Variants in THSD7A observed in about 807,000 individuals in gnomAD.
The protein encoded by THSD7A is thrombospondin type-1 domain-containing protein 7A.
THSD7A carries 96 observed loss-of-function variants against 231.3 expected under a neutral mutation model. The observed-to-expected ratio is 0.41, with a 90% CI of 0.35 to 0.49. The LOEUF (loss-of-function observed/expected upper bound fraction) is 0.49. Among genes scored for constraint, THSD7A ranks in the 20% least tolerant of loss-of-function variants. The pLI, the probability that THSD7A is intolerant of heterozygous loss-of-function variation, is 0.05. For synonymous variants in THSD7A, 940 were observed against 743.3 expected, an observed-to-expected ratio of 1.26 and a Z score of -4.30; for missense variants, 2,290 against 2,070.2, an observed-to-expected ratio of 1.11 and a Z score of -2.06.
intron 1 of THSD7A, among the ~76,000 whole-genome samples, chr7:11,807,602 C>T (rs1213835290): frequency 1.3e-5 from 2 of 151,946 alleles, no homozygotes; most frequent in African/African-American, 4.8e-5. Flanking sequence ...TTTTAGTCTA[C>T]CCAAGTCCCA....
intron 6 of THSD7A, among the ~76,000 whole-genome samples, chr7:11,524,976 T>C (rs1375922474): frequency 2.6e-5 from 4 of 152,256 alleles, no homozygotes; most frequent in Admixed American, 2.6e-4. Flanking sequence ...TTCTTAATTT[T>C]AGCAGGAGAT....
At chr7:11,826,261 A>G (rs1239101447) in intron 1 of THSD7A, among the ~76,000 whole-genome samples, 1 of 152,162 alleles carries the variant, frequency 6.6e-6, no homozygotes, top group Admixed American at 6.5e-5. Flanking sequence ...ATACTCTATC[A>G]CCTCAATTCT....
At chr7:11,714,042 T>G (rs898433093) in intron 1 of THSD7A, among the ~76,000 whole-genome samples, 1 of 151,350 alleles carries the variant, frequency 6.6e-6, no homozygotes, top group South Asian at 2.1e-4. Flanking sequence ...GTTAAATATG[T>G]GTCTGTACAT....
At chr7:11,523,268 AT>A (rs1346705752) in intron 6 of THSD7A, among the ~76,000 whole-genome samples, 1 of 152,104 alleles carries the variant, frequency 6.6e-6, no homozygotes, top group Non-Finnish European at 1.5e-5. Context: ...CTTTATAGTA[AT>A]ATGAAGACTT....
intron 1 of THSD7A, among the ~76,000 whole-genome samples, chr7:11,753,737 A>C (rs951694904): frequency 3.9e-5 from 6 of 151,976 alleles, no homozygotes; most frequent in African/African-American, 1.4e-4. Flanking sequence ...GAAAAGATTA[A>C]TGCACTTGCT....
chr7:11,624,075 G>C (rs189827666), intron 2 of THSD7A, among the ~76,000 whole-genome samples: 5 of 152,214 alleles, frequency 3.3e-5, no homozygotes, highest in Non-Finnish European at 7.4e-5. Flanking sequence ...TTGGAGGCTG[G>C]TTATAGGCAG....
At position 11,406,032 on chromosome 7, in the gene THSD7A, G is replaced by T. The variant is rs1783570140; in HGVS notation, c.4237+268C>A. On this transcript the variant is annotated intron_variant, in intron 22 of 27. Coordinates refer to ENST00000423059, the MANE Select transcript of THSD7A (RefSeq NM_015204.3). The surrounding 1 kb of genome is among the most constrained non-coding windows in gnomAD (Gnocchi z 4.7). ...TTCATAACTTTTCTGTGGAGCATGG[G>T]CTTAAGGCCTTAAATACCATCTCCT... is the stretch of plus-strand genomic sequence containing the variant. 6.6e-6 allele frequency among the ~76,000 whole-genome samples: 1 copy of T among 152,044 alleles called. No individual in the cohort carries two copies. The highest frequency in any genetic ancestry group is 6.6e-5 in the Admixed American group (1 of 15,260).
intron 1 of THSD7A, among the ~76,000 whole-genome samples, chr7:11,675,713 A>G (rs1274489971): frequency 6.6e-6 from 1 of 152,214 alleles, no homozygotes; most frequent in African/African-American, 2.4e-5. Flanking sequence ...CTGCCTCTCT[A>G]GAATCCTTCT....
chr7:11,635,806 C>T (rs952030530), intron 2 of THSD7A, among the ~76,000 whole-genome samples: 6 of 151,942 alleles, frequency 3.9e-5, no homozygotes, highest in African/African-American at 1.2e-4. Context: ...ATATTTCAGC[C>T]CCTAAGCAAT....
chr7:11,635,544 C>T (rs1781803710), intron 2 of THSD7A, among the ~76,000 whole-genome samples: 2 of 152,094 alleles, frequency 1.3e-5, no homozygotes, highest in African/African-American at 4.8e-5. Context: ...TACATGTTTC[C>T]TGAATGAGGC....
intron 6 of THSD7A, among the ~76,000 whole-genome samples, chr7:11,513,053 C>T (rs905654768): frequency 7.3e-5 from 11 of 150,338 alleles, no homozygotes; most frequent in Non-Finnish European, 1.2e-4. Context: ...TGAAGTAACT[C>T]AGGCATGGAA....
chr7:11,694,658 A>C lies in THSD7A; in HGVS notation c.191-57697T>G, dbSNP rs192719984. Among the ~76,000 whole-genome samples the C allele has an allele frequency of 4.5e-3, 687 of 151,646 alleles. 5 individuals are homozygous for C. Among genetic ancestry groups the C allele is most frequent in the Middle Eastern group, 0.014 (4 of 294 alleles). On this transcript the variant is annotated intron_variant, in intron 1 of 27. Coordinates refer to ENST00000423059, the MANE Select transcript of THSD7A (RefSeq NM_015204.3). ...AGGTTTGTTAAATACAATTCATAGC[A>C]ATCAGAAAAGACAGCTGGGTTTCTG...
At position 11,543,125 on chromosome 7, in the gene THSD7A, A is replaced by C. The variant is rs1250611351; in HGVS notation, c.1454-8T>G. The C allele has an allele frequency of 6.2e-7, 1 of 1,607,876 alleles. No individual in the cohort carries two copies. Among genetic ancestry groups the C allele is most frequent in the Non-Finnish European group, 8.5e-7 (1 of 1,176,956 alleles). ...AGTCCATTGGCTTTGAGGCTAGAGAAAAATACAGACACATATTAAAAAATG... is the reference window on the plus strand; with the variant it reads ...AGTCCATTGGCTTTGAGGCTAGAGACAAATACAGACACATATTAAAAAATG... On this transcript the variant is annotated splice_region_variant and splice_polypyrimidine_tract_variant and intron_variant, in intron 4 of 27. Coordinates refer to ENST00000423059, the MANE Select transcript of THSD7A (RefSeq NM_015204.3).
At chr7:11,708,635 T>A (rs1419397683) in intron 1 of THSD7A, among the ~76,000 whole-genome samples, 1 of 150,756 alleles carries the variant, frequency 6.6e-6, no homozygotes, top group Non-Finnish European at 1.5e-5. Context: ...TAGCTCTGAA[T>A]TGCTATGACA....
rs1366728701 is a variant in THSD7A at position 11,541,423 on chromosome 7, A to G, written c.1818T>C (p.Ser606=). 3.1e-6 allele frequency: 5 copies of G among 1,613,896 alleles called. No homozygotes were observed. The highest frequency in any genetic ancestry group is 4.2e-6 in the Non-Finnish European group (5 of 1,179,824). ...TQVQEVVCIN[S]DGEEVDRQLC... ...TAATAGATACGTCTGTCTTACCATC[A>G]CTGTTGATGCACACAACCTCTTGAA... Residue 606 remains serine, a synonymous_variant, in exon 6 of 28, where the codon AGT becomes AGC. Coordinates refer to ENST00000423059, the MANE Select transcript of THSD7A (RefSeq NM_015204.3).
chr7:11,774,298 C>A (rs896160751), intron 1 of THSD7A, among the ~76,000 whole-genome samples: 3 of 152,102 alleles, frequency 2.0e-5, no homozygotes, highest in African/African-American at 7.2e-5. Context: ...AAACTAATAG[C>A]AGCAGGCAAT....
intron 7 of THSD7A, among the ~76,000 whole-genome samples, chr7:11,478,559 G>A (rs1786289221): frequency 6.6e-6 from 1 of 151,792 alleles, no homozygotes; most frequent in Non-Finnish European, 1.5e-5. Flanking sequence ...CAGGAAAGGA[G>A]AAAAAGAGCC....
chr7:11,389,143 A>C (rs569943824), intron 23 of THSD7A, among the ~76,000 whole-genome samples: 1 of 152,120 alleles, frequency 6.6e-6, no homozygotes, highest in South Asian at 2.1e-4. Context: ...GCTGAGTTCA[A>C]GTCAAGTCCT....
In THSD7A at chr7:11,406,357, T is replaced by C; in HGVS notation, c.4180A>G (p.Ile1394Val). Residue 1394 changes from isoleucine (I) to valine (V), a missense_variant, in exon 22 of 28, where the codon ATT (isoleucine) becomes GTT (valine). Physicochemically the swap from Ile to Val is conservative, Grantham distance 29. Coordinates refer to ENST00000423059, the MANE Select transcript of THSD7A (RefSeq NM_015204.3). This position sits in a 1 kb window ranked among gnomAD's most constrained non-coding sequence, Gnocchi z 4.7. ...ACCATATTTTTATTACCATCTATAA[T>C]GAGTTCAATGTCAGCACAGAATTCC... ...DEEFCADIEL[I>V]IDGNKNMVLE... The C allele has an allele frequency of 1.2e-6, 2 of 1,613,954 alleles. No individual in the cohort carries two copies. The highest frequency in any genetic ancestry group is 1.7e-6 in the Non-Finnish European group (2 of 1,179,852).
Sources: gnomAD v4.1 joint callset for allele counts (sites outside exome capture counted in the v4.1 genomes callset) on GRCh38, gnomAD v4.1.1 for gene constraint, Gnocchi (gnomAD v3.1) non-coding constraint, MANE v1.5 for transcripts, NCBI Gene and HGNC (gene_info 2026-07-23, HGNC 2026-07-21) for gene names.